The following PRKCA variants were observed in gnomAD, a reference collection of about 807,000 sequenced individuals.
The protein encoded by PRKCA is protein kinase C alpha.
Under a neutral mutation model 87.0 loss-of-function variants are expected in PRKCA, and 27 were observed. The observed-to-expected ratio is 0.31, with a 90% CI of 0.23 to 0.43. The LOEUF (loss-of-function observed/expected upper bound fraction) is 0.43. Among genes scored for constraint, PRKCA ranks in the 20% least tolerant of loss-of-function variants. The pLI is 1.00. For missense variants in PRKCA, 518 were observed against 852.3 expected, an observed-to-expected ratio of 0.61 and a Z score of 4.88; for synonymous variants, 329 against 311.1, an observed-to-expected ratio of 1.06 and a Z score of -0.61.
chr17:66,720,774 T>C (rs1433762839), intron 8 of PRKCA, among the ~76,000 whole-genome samples: 3 of 152,236 alleles, frequency 2.0e-5, no homozygotes, highest in Admixed American at 1.3e-4. Flanking sequence ...AATTATTCAT[T>C]TGTTCCTATG....
At chr17:66,769,077 C>T (rs58856766) in intron 13 of PRKCA, among the ~76,000 whole-genome samples, 1 of 152,066 alleles carries the variant, frequency 6.6e-6, no homozygotes, top group South Asian at 2.1e-4. Context: ...TTTAGACTGA[C>T]GGGCTGTGGA....
At chr17:66,545,583 A>G (rs756267022) in intron 3 of PRKCA, among the ~76,000 whole-genome samples, 1 of 152,148 alleles carries the variant, frequency 6.6e-6, no homozygotes, top group Non-Finnish European at 1.5e-5. Context: ...AGATTACTAG[A>G]GCTAAAATAT....
At chr17:66,663,053 C>T (rs1361718447) in intron 5 of PRKCA, among the ~76,000 whole-genome samples, 3 of 152,202 alleles carry the variant, frequency 2.0e-5, no homozygotes, top group Admixed American at 1.3e-4. Context: ...GAAGGATACC[C>T]TTGCCGGTGG....
At chr17:66,458,839 G>A (rs1050389282) in intron 2 of PRKCA, among the ~76,000 whole-genome samples, 1 of 152,076 alleles carries the variant, frequency 6.6e-6, no homozygotes, top group African/African-American at 2.4e-5. Context: ...TTTGGTTACC[G>A]ACCTTCCCAG....
rs555046442 is a variant in PRKCA, at chr17:66,474,716, G to A, written c.206-21485G>A. Among the ~76,000 whole-genome samples, 32 of 152,308 alleles carry A rather than the reference G, an allele frequency of 2.1e-4. No individual in the cohort carries two copies. In the South Asian group the frequency reaches 5.0e-3, roughly 24 times the overall value. On this transcript the variant is annotated intron_variant, in intron 2 of 16. Coordinates refer to ENST00000413366, the MANE Select transcript of PRKCA (RefSeq NM_002737.3). ...CGGAAGCCCATTTCCTCAACTTAAA[G>A]TAATTATTAACAACAACTAAAGCTT...
chr17:66,399,889 G>A (rs567095674), intron 2 of PRKCA, among the ~76,000 whole-genome samples: 6 of 152,102 alleles, frequency 3.9e-5, no homozygotes, highest in African/African-American at 1.2e-4. Context: ...TTCAGATTGG[G>A]GATTTTTTTA....
chr17:66,534,975 G>A (rs750067925), intron 3 of PRKCA, among the ~76,000 whole-genome samples: 7 of 152,074 alleles, frequency 4.6e-5, no homozygotes, highest in Non-Finnish European at 8.8e-5. Context: ...TACTTACACC[G>A]CCACCACCGT....
Position 66,791,004 on chromosome 17 carries a change from TTA to T in PRKCA, c.1854+2026_1854+2027del, listed in dbSNP as rs1491131391. Among the ~76,000 whole-genome samples the T allele has an allele frequency of 9.2e-4, 140 of 151,788 alleles. 1 individual carries two copies. The highest frequency in any genetic ancestry group is 3.2e-3 in the African/African-American group (132 of 41,310). On this transcript the variant is annotated intron_variant, in intron 16 of 16. Coordinates refer to ENST00000413366, the MANE Select transcript of PRKCA (RefSeq NM_002737.3). ...TACTGTTTGCTGGTTTTTTTTTTTTTTAAATTATTATACTTTAAGTTGTAGGG... is the reference window on the plus strand; with the variant it reads ...TACTGTTTGCTGGTTTTTTTTTTTTTAATTATTATACTTTAAGTTGTAGGG...
intron 14 of PRKCA, among the ~76,000 whole-genome samples, chr17:66,781,891 T>TATATATATATATATA (rs1568030798): frequency 2.2e-5 from 3 of 135,524 alleles, no homozygotes; most frequent in South Asian, 2.3e-4. Flanking sequence ...ATATATAGTG[T>TATATATATATATATA]GTGTGTGTGT....
intron 3 of PRKCA, among the ~76,000 whole-genome samples, chr17:66,625,549 G>A (rs1970829853): frequency 6.6e-6 from 1 of 152,184 alleles, no homozygotes; most frequent in Non-Finnish European, 1.5e-5. Flanking sequence ...ATAGAAGATA[G>A]CATTATCACT....
At chr17:66,518,275 A>T in intron 3 of PRKCA, among the ~76,000 whole-genome samples, 1 of 152,172 alleles carries the variant, frequency 6.6e-6, no homozygotes, top group Non-Finnish European at 1.5e-5. Context: ...AGAAAGGAAA[A>T]TGTGATGTGT....
chr17:66,769,198 T>C (rs1434169891), intron 13 of PRKCA, among the ~76,000 whole-genome samples: 1 of 151,908 alleles, frequency 6.6e-6, no homozygotes. Context: ...TCTAAAAAAA[T>C]TGTTAAAAAA....
chr17:66,805,033 TA>T lies in PRKCA; in HGVS notation c.*997del. ...TAGGCTGCAGTGTCGCTTATGAAAG[TA>T]CGATGTACAGTAACTTAATGGAAGT... On this transcript the variant is annotated 3_prime_UTR_variant, in exon 17 of 17. Transcript: ENST00000413366. The T allele has an allele frequency of 1.0e-6, 1 of 984,288 alleles. No homozygotes were observed. The highest frequency in any genetic ancestry group is 4.7e-5 in the South Asian group (1 of 21,264). The allele number at this position is 984,288 out of a possible 1,614,324, so 61.0% of individuals were successfully genotyped here.
chr17:66,453,323 T>C (rs939605697), intron 2 of PRKCA, among the ~76,000 whole-genome samples: 2 of 151,844 alleles, frequency 1.3e-5, no homozygotes, highest in African/African-American at 4.8e-5. Context: ...TTTCTTTTTT[T>C]TTTTCTTTTT....
intron 13 of PRKCA, among the ~76,000 whole-genome samples, chr17:66,773,268 T>G (rs1974980002): frequency 1.3e-5 from 2 of 152,244 alleles, no homozygotes; most frequent in Admixed American, 1.3e-4. Context: ...TGCAGTTGGC[T>G]CTAGATACTA....
intron 2 of PRKCA, among the ~76,000 whole-genome samples, chr17:66,395,980 A>G (rs1910641489): frequency 6.6e-6 from 1 of 152,066 alleles, no homozygotes; most frequent in African/African-American, 2.4e-5. Flanking sequence ...TTTAACCTGG[A>G]AAGTCTCCCA....
At chr17:66,694,549 T>TCA (rs1371274037) in intron 8 of PRKCA, among the ~76,000 whole-genome samples, 1 of 136,518 alleles carries the variant, frequency 7.3e-6, no homozygotes, top group Non-Finnish European at 1.6e-5. Flanking sequence ...ACAAGTATAA[T>TCA]CATAATGATT....
chr17:66,669,491 GA>G, intron 5 of PRKCA, among the ~76,000 whole-genome samples: 1 of 151,990 alleles, frequency 6.6e-6, no homozygotes, highest in Non-Finnish European at 1.5e-5. Context: ...GATAAAAGAA[GA>G]AAAAATTGAA....
In PRKCA at chr17:66,366,665, G is replaced by C. The variant is rs574336869; in HGVS notation, c.205+60538G>C. Among the ~76,000 whole-genome samples the C allele has an allele frequency of 3.9e-5, 6 of 152,310 alleles. 1 individual carries two copies. The East Asian group carries it at 1.2e-3, about 29-fold the overall frequency. On this transcript the variant is annotated intron_variant, in intron 2 of 16. Transcript: ENST00000413366. The stretch of plus-strand genomic sequence containing the variant: ...ATGAGAAGTAACTCACAGGCCAGCT[G>C]CATAATGGGTAGAGCGAGCTATAGG...
Sources: gnomAD v4.1 joint callset for allele counts (sites outside exome capture counted in the v4.1 genomes callset) on GRCh38, gnomAD v4.1.1 for gene constraint, MANE v1.5 for transcripts, NCBI Gene and HGNC (gene_info 2026-07-23, HGNC 2026-07-21) for gene names.